SMARCC1: variants seen among roughly 807,000 people sequenced by gnomAD.
SMARCC1 encodes the protein SWI/SNF related BAF chromatin remodeling complex subunit C1, also known as SWI/SNF complex subunit SMARCC1.
SMARCC1 carries 43 observed loss-of-function variants against 147.4 expected under a neutral mutation model. The ratio of observed to expected loss-of-function variants is 0.29; its 90% CI spans 0.23 to 0.38. The LOEUF (loss-of-function observed/expected upper bound fraction) is 0.38, where lower values mean the gene tolerates loss of function less well. Among genes scored for constraint, SMARCC1 ranks in the 10% least tolerant of loss-of-function variants. The pLI, the probability that SMARCC1 is intolerant of heterozygous loss-of-function variation, is 1.00. For missense variants in SMARCC1, 1,119 were observed against 1,381.1 expected, an observed-to-expected ratio of 0.81 and a Z score of 3.01; for synonymous variants, 495 against 484.4, an observed-to-expected ratio of 1.02 and a Z score of -0.29.
rs976040243 is a variant in SMARCC1, at chr3:47,687,126, A to G, written c.1264-956T>C. 7.9e-5 allele frequency among the ~76,000 whole-genome samples: 12 copies of G among 152,232 alleles called. No individual in the cohort carries two copies. In the South Asian group the frequency reaches 1.4e-3, roughly 18 times the overall value. ...AAGTGACGATCTAGTGTTACTACCT[A>G]TAACAGTTTCTATAAGAATAGTAAA... is the stretch of plus-strand genomic sequence containing the variant. On this transcript the variant is annotated intron_variant, in intron 13 of 27. Transcript: ENST00000254480.
chr3:47,656,503 A>G (rs1425662200), intron 21 of SMARCC1, among the ~76,000 whole-genome samples: 2 of 152,272 alleles, frequency 1.3e-5, no homozygotes, highest in Non-Finnish European at 2.9e-5. Flanking sequence ...AAAGAAAGGT[A>G]GAACCTAAGT....
In SMARCC1 at chr3:47,664,094, C is replaced by A. The variant is rs1239274717; in HGVS notation, c.1900-1502G>T. On this transcript the variant is annotated intron_variant, in intron 19 of 27. Coordinates refer to ENST00000254480, the MANE Select transcript of SMARCC1 (RefSeq NM_003074.4). ...GCGTAACTGTAACTGAAAGTTTTTT[C>A]AAAAATCCTAGTTTCTGTTGTTTGA... Among the ~76,000 whole-genome samples, 47 of 148,796 alleles carry A rather than the reference C, an allele frequency of 3.2e-4. 1 individual carries two copies. In the Admixed American group the frequency reaches 3.2e-3, roughly 10 times the overall value.
intron 2 of SMARCC1, among the ~76,000 whole-genome samples, chr3:47,757,837 A>T (rs1220604833): frequency 6.6e-6 from 1 of 151,850 alleles, no homozygotes; most frequent in African/African-American, 2.4e-5. Context: ...ATGCTCATAC[A>T]CTGTTTGTGG....
rs760573782 is a variant in SMARCC1 at position 47,720,653 on chromosome 3, A to G, written c.716+13T>C. On this transcript the variant is annotated intron_variant, in intron 7 of 27. Coordinates refer to ENST00000254480, the MANE Select transcript of SMARCC1 (RefSeq NM_003074.4). ...AAATCTTTATACCAGGTCTCACAGC[A>G]TATGAACATTACCTGTCTGGGTAAA... 3.8e-6 allele frequency: 6 copies of G among 1,562,580 alleles called. No homozygotes were observed. Among genetic ancestry groups the G allele is most frequent in the Non-Finnish European group, 5.3e-6 (6 of 1,135,504 alleles).
chr3:47,777,600 T>G (rs930826124), intron 1 of SMARCC1, among the ~76,000 whole-genome samples: 3 of 151,880 alleles, frequency 2.0e-5, no homozygotes, highest in Non-Finnish European at 4.4e-5. Context: ...CGATCTCAGC[T>G]CACTACAACC....
At chr3:47,605,871 T>C (rs1184762507) in intron 26 of SMARCC1, among the ~76,000 whole-genome samples, 3 of 152,108 alleles carry the variant, frequency 2.0e-5, no homozygotes, top group Non-Finnish European at 1.5e-5. Flanking sequence ...TCTACGGCGC[T>C]AGAAGTCAGG....
chr3:47,714,423 GT>G lies in SMARCC1; in HGVS notation c.783del (p.Lys261AsnfsTer7). 1 of 1,577,080 alleles carries G rather than the reference GT, an allele frequency of 6.3e-7. No homozygotes were observed. The highest frequency in any genetic ancestry group is 8.7e-7 in the Non-Finnish European group (1 of 1,149,724). On this transcript the variant is annotated frameshift_variant, in exon 8 of 28. Transcript: ENST00000254480. LOFTEE classifies it high-confidence loss of function. ...AEIEDPPIPEKPWKVHVKWIL... is the reference protein window; with the variant it reads ...AEIEDPPIPEXPWKVHVKWIL... ...TTTGTTAAATCATTTACCTTCCATGGTTTTTCTGGAATTGGTGGATCTTCAA... is the reference window on the plus strand; with the variant it reads ...TTTGTTAAATCATTTACCTTCCATGGTTTTCTGGAATTGGTGGATCTTCAA...
chr3:47,646,809 C>T (rs1241684469), intron 21 of SMARCC1, among the ~76,000 whole-genome samples: 1 of 152,138 alleles, frequency 6.6e-6, no homozygotes, highest in African/African-American at 2.4e-5. Context: ...ATCAGTCCCC[C>T]AGCCATCTCC....
At chr3:47,668,809 C>T (rs887427772) in intron 19 of SMARCC1, among the ~76,000 whole-genome samples, 3 of 151,228 alleles carry the variant, frequency 2.0e-5, no homozygotes, top group African/African-American at 4.9e-5. Flanking sequence ...CGCCTGAGCT[C>T]GGGAAATTGA....
intron 27 of SMARCC1, among the ~76,000 whole-genome samples, chr3:47,590,261 C>T (rs2032154581): frequency 6.6e-6 from 1 of 152,238 alleles, no homozygotes; most frequent in Non-Finnish European, 1.5e-5. Flanking sequence ...CAGCTCTAAA[C>T]TCACTTCTAT....
chr3:47,673,309 G>C (rs115051510), intron 18 of SMARCC1, among the ~76,000 whole-genome samples: 2 of 149,806 alleles, frequency 1.3e-5, no homozygotes, highest in African/African-American at 2.5e-5. Flanking sequence ...AGAACTGGTC[G>C]AACCCGGGAG....
intron 25 of SMARCC1, among the ~76,000 whole-genome samples, chr3:47,621,298 C>CAAAAAAAAA: frequency 1.6e-5 from 1 of 63,190 alleles, no homozygotes; most frequent in Non-Finnish European, 3.5e-5. Flanking sequence ...GACTCCGTCT[C>CAAAAAAAAA]AAAAAAAAAA....
chr3:47,589,640 C>T (rs1022765450), intron 27 of SMARCC1, among the ~76,000 whole-genome samples: 1 of 152,176 alleles, frequency 6.6e-6, no homozygotes, highest in Admixed American at 6.5e-5. Flanking sequence ...TTCTTCTGTG[C>T]ACCTACTTTG....
At chr3:47,753,607 G>A (rs540855421) in intron 2 of SMARCC1, among the ~76,000 whole-genome samples, 1 of 149,948 alleles carries the variant, frequency 6.7e-6, no homozygotes, top group Non-Finnish European at 1.5e-5. Context: ...CCAGCTACTC[G>A]AGAGGCTGAG....
chr3:47,724,613 G>GT (rs1489191829), intron 6 of SMARCC1, among the ~76,000 whole-genome samples: 1 of 152,158 alleles, frequency 6.6e-6, no homozygotes, highest in Non-Finnish European at 1.5e-5. Context: ...TAGCATTACT[G>GT]TATTTTATGT....
chr3:47,596,293 G>A (rs2032280637), intron 26 of SMARCC1, among the ~76,000 whole-genome samples: 1 of 152,086 alleles, frequency 6.6e-6, no homozygotes, highest in East Asian at 1.9e-4. Flanking sequence ...GTCTTGGCTG[G>A]GCGTGGTGGC....
intron 26 of SMARCC1, chr3:47,604,200 C>T: frequency 2.2e-6 from 1 of 456,718 alleles, no homozygotes; most frequent in South Asian, 1.5e-5. Context: ...CTTTAACAGG[C>T]TCTACCACTA....
intron 26 of SMARCC1, among the ~76,000 whole-genome samples, chr3:47,597,456 A>G (rs568488312): frequency 2.0e-5 from 3 of 152,070 alleles, no homozygotes; most frequent in African/African-American, 7.2e-5. Context: ...CCTCCCGAGT[A>G]GCTAGGACTA....
Position 47,590,690 on chromosome 3 carries a change from C to G in SMARCC1, c.3191G>C (p.Arg1064Pro). ...PPMPGNILGPRVPLTAPNGMY... is the reference protein window; with the variant it reads ...PPMPGNILGPPVPLTAPNGMY... ...GCCGTTAGGTGCTGTCAGGGGTACCCGGGGTCCTAAGATGTTTCCTGGCAT... is the reference window on the plus strand; with the variant it reads ...GCCGTTAGGTGCTGTCAGGGGTACCGGGGGTCCTAAGATGTTTCCTGGCAT... Residue 1064 changes from arginine (R) to proline (P), a missense_variant, in exon 27 of 28, where the codon CGG (arginine) becomes CCG (proline). Arg to Pro is a moderately radical substitution (Grantham distance 103). Transcript: ENST00000254480. The G allele has an allele frequency of 1.1e-5, 17 of 1,559,804 alleles. No individual in the cohort carries two copies. The highest frequency in any genetic ancestry group is 1.5e-5 in the Non-Finnish European group (17 of 1,159,086).
Sources: gnomAD v4.1 joint callset for allele counts (sites outside exome capture counted in the v4.1 genomes callset) on GRCh38, gnomAD v4.1.1 for gene constraint, MANE v1.5 for transcripts, NCBI Gene and HGNC (gene_info 2026-07-23, HGNC 2026-07-21) for gene names.